The following ABHD11 variants were observed in gnomAD, a reference collection of about 807,000 sequenced individuals.
The protein encoded by ABHD11 is abhydrolase domain containing 11.
In ABHD11, 26 loss-of-function variants were observed where a neutral mutation model predicts 29.0. That is an observed-to-expected ratio of 0.90 (90% confidence interval 0.66 to 1.24). The LOEUF is 1.24. ABHD11 is among the 50% of genes most tolerant of loss of function. ABHD11 has a pLI of 0.00. For missense variants in ABHD11, 381 were observed against 422.4 expected, an observed-to-expected ratio of 0.90 and a Z score of 0.86; for synonymous variants, 169 against 166.4, an observed-to-expected ratio of 1.02 and a Z score of -0.12.
In ABHD11 at chr7:73,736,533, C is replaced by G; in HGVS notation, c.*26G>C. ...GGAATTACAGGCATGAGCCACCACG[C>G]CCGGCCATCTTCTTGCCAGCAACTC... On this transcript the variant is annotated 3_prime_UTR_variant, in exon 6 of 6. Coordinates refer to ENST00000222800, the MANE Select transcript of ABHD11 (RefSeq NM_148912.4). The G allele has an allele frequency of 6.2e-7, 1 of 1,612,536 alleles. No individual in the cohort carries two copies.
chr7:73,738,511 G>A (rs1389885812), intron 1 of ABHD11, 48 bp from the exon 2 acceptor site: 5 of 1,586,928 alleles, frequency 3.2e-6, no homozygotes, highest in African/African-American at 1.3e-5. Flanking sequence ...CGGAGACGGG[G>A]AAAGGGGTAG....
chr7:73,737,502 C>T (rs1180546368), intron 3 of ABHD11, 60 bp downstream of exon 3: 3 of 1,558,156 alleles, frequency 1.9e-6, no homozygotes, highest in Non-Finnish European at 2.6e-6. Context: ...TCCCAGGTTG[C>T]CTGCAGGGCC....
At chr7:73,737,951 G>A (rs1184213855) in intron 2 of ABHD11, 5 of 850,510 alleles carry the variant, frequency 5.9e-6, no homozygotes, top group Non-Finnish European at 7.9e-6. Flanking sequence ...CCACGTCTCT[G>A]AAGGGCTGGC....
intron 3 of ABHD11, 42 bp from the exon 4 acceptor site, chr7:73,737,433 T>C (rs141117786): frequency 3.8e-6 from 6 of 1,585,786 alleles, no homozygotes; most frequent in Non-Finnish European, 4.3e-6. Context: ...TAGGCAGACA[T>C]AGGGAGTCTC....
Position 73,737,265 on chromosome 7 carries a change from G to A in ABHD11, c.562C>T (p.Arg188Cys), listed in dbSNP as rs781862458. 5.6e-6 allele frequency: 9 copies of A among 1,613,986 alleles called. No individual in the cohort carries two copies. Among genetic ancestry groups the A allele is most frequent in the Admixed American group, 3.3e-5 (2 of 60,004 alleles). Residue 188 changes from arginine (R) to cysteine (C), a missense_variant, in exon 4 of 6, where the codon CGT (arginine) becomes TGT (cysteine). Transcript: ENST00000222800. ...TGTTCATCCGCCAGTTTTCGGGCAC[G>A]GGAGCGGGGCAGCTCATCTGCGATG... Reference protein sequence around the residue: ...INIADELPRSRARKLADEQLS... With the variant: ...INIADELPRSCARKLADEQLS...
rs782560650 is a variant in ABHD11, at chr7:73,736,708, C to A, written c.789-17G>T. 5 of 1,612,722 alleles carry A rather than the reference C, an allele frequency of 3.1e-6. No individual in the cohort carries two copies. In the African/African-American group the frequency reaches 6.7e-5, roughly 22 times the overall value. ...TGGCTGGGACTGTGCATCGCAGCGACGGCCATCAAAAACGGGTGAAAGTGG... is the reference window on the plus strand; with the variant it reads ...TGGCTGGGACTGTGCATCGCAGCGAAGGCCATCAAAAACGGGTGAAAGTGG... On this transcript the variant is annotated splice_polypyrimidine_tract_variant and intron_variant, in intron 5 of 5. Transcript: ENST00000222800.
chr7:73,737,687 C>G lies in ABHD11; in HGVS notation c.310G>C (p.Asp104His), dbSNP rs782090767. The change falls in exon 3 of 6, where the codon GAC becomes CAC. Residue 104 changes from aspartate to histidine, a missense_variant. Coordinates refer to ENST00000222800, the MANE Select transcript of ABHD11 (RefSeq NM_148912.4). ...RNHGDSPHSP[D>H]MSYEIMSQDL... Reference sequence around the variant, plus strand: ...TGGCTCATGATCTCGTAGCTCATGTCTGGGCTGTGGGGGCTGTCACCGTGG... The same window carrying G: ...TGGCTCATGATCTCGTAGCTCATGTGTGGGCTGTGGGGGCTGTCACCGTGG... 1 of 1,614,074 alleles carries G rather than the reference C, an allele frequency of 6.2e-7. No individual in the cohort carries two copies. The highest frequency in any genetic ancestry group is 8.5e-7 in the Non-Finnish European group (1 of 1,179,988).
Position 73,737,117 on chromosome 7 carries a change from G to C in ABHD11, c.607-7C>G. On this transcript the variant is annotated splice_region_variant and splice_polypyrimidine_tract_variant and intron_variant, in intron 4 of 5. Transcript: ENST00000222800. Reference sequence around the variant, plus strand: ...GCTGCCGCACGGCCATGTCCTGTGGGGGTGCAGCAGTTGGGGGAGGTTCCT... The same window carrying C: ...GCTGCCGCACGGCCATGTCCTGTGGCGGTGCAGCAGTTGGGGGAGGTTCCT... 1 of 1,613,826 alleles carries C rather than the reference G, an allele frequency of 6.2e-7. No homozygotes were observed. The highest frequency in any genetic ancestry group is 8.5e-7 in the Non-Finnish European group (1 of 1,180,042).
rs782777742 is a variant in ABHD11 at position 73,737,550 on chromosome 7, T to C, written c.435+12A>G. On this transcript the variant is annotated intron_variant, in intron 3 of 5. Transcript: ENST00000222800. Reference sequence around the variant, plus strand: ...ACTGAATGGGAGGAGGCCCCAGACATGGGCGGCTCACCCTCTGTAGTGCCA... The same window carrying C: ...ACTGAATGGGAGGAGGCCCCAGACACGGGCGGCTCACCCTCTGTAGTGCCA... The C allele has an allele frequency of 3.8e-6, 6 of 1,589,838 alleles. No homozygotes were observed. The South Asian group carries it at 4.6e-5, about 12-fold the overall frequency.
At position 73,736,457 on chromosome 7, in the gene ABHD11, C is replaced by A; in HGVS notation, c.*102G>T. On this transcript the variant is annotated 3_prime_UTR_variant, in exon 6 of 6. Coordinates refer to ENST00000222800, the MANE Select transcript of ABHD11 (RefSeq NM_148912.4). ...GTTTCACCATGTTGGCCAGGCTGGT[C>A]TCCAACTCCTGGCCTCAAGTCATCC... 2.0e-6 allele frequency: 3 copies of A among 1,491,528 alleles called. No homozygotes were observed. Among genetic ancestry groups the A allele is most frequent in the Non-Finnish European group, 2.7e-6 (3 of 1,096,488 alleles). The allele number at this position is 1,491,528 out of a possible 1,614,324, so 92.4% of individuals were successfully genotyped here. A position where few individuals can be genotyped will look rare whatever the true frequency, so the allele number is the denominator to read the frequency against.
intron 3 of ABHD11, 31 bp downstream of exon 3, chr7:73,737,531 T>G: frequency 1.9e-6 from 3 of 1,575,596 alleles, no homozygotes; most frequent in South Asian, 2.4e-5. Flanking sequence ...ATATACTGAA[T>G]GGGAGGAGGC....
intron 3 of ABHD11, 36 bp downstream of exon 3, chr7:73,737,526 C>A: frequency 6.4e-7 from 1 of 1,573,892 alleles, no homozygotes; most frequent in South Asian, 1.2e-5. Flanking sequence ...AGGGTATATA[C>A]TGAATGGGAG....
In ABHD11 at chr7:73,738,347, G is replaced by A; in HGVS notation, c.242C>T (p.Ala81Val). The change falls in exon 2 of 6, where the codon GCC becomes GTC. Residue 81 changes from alanine to valine, a missense_variant. Coordinates refer to ENST00000222800, the MANE Select transcript of ABHD11 (RefSeq NM_148912.4). ...TNFNSIAKIL[A>V]QQTGRRVLTV... The stretch of plus-strand genomic sequence containing the variant: ...GCTCACCCTACGGCCTGTCTGCTGG[G>A]CCAAGATCTTGGCGATGGAGTTGAA... 1 of 1,613,542 alleles carries A rather than the reference G, an allele frequency of 6.2e-7. No homozygotes were observed. The highest frequency in any genetic ancestry group is 8.5e-7 in the Non-Finnish European group (1 of 1,179,782).
At chr7:73,738,246 G>T in intron 2 of ABHD11, 82 bp downstream of exon 2, 1 of 1,467,998 alleles carries the variant, frequency 6.8e-7, no homozygotes, top group South Asian at 1.2e-5. Context: ...GTGAGAAGCG[G>T]GACCCCCCCT....
In ABHD11 at chr7:73,737,259, G is replaced by A. The variant is rs148776431; in HGVS notation, c.568C>T (p.Arg190Ter). The A allele has an allele frequency of 3.7e-6, 6 of 1,614,080 alleles. No individual in the cohort carries two copies. Among genetic ancestry groups the A allele is most frequent in the East Asian group, 2.2e-5 (1 of 44,880 alleles). ...CTGAGCTGTTCATCCGCCAGTTTTC[G>A]GGCACGGGAGCGGGGCAGCTCATCT... ...IADELPRSRA[R>*]KLADEQLSSV... The change falls in exon 4 of 6, where the codon CGA becomes TGA. Residue 190 changes from arginine to a stop codon, truncating the protein, a stop_gained. Coordinates refer to ENST00000222800, the MANE Select transcript of ABHD11 (RefSeq NM_148912.4). LOFTEE classifies it high-confidence loss of function.
Position 73,736,405 on chromosome 7 carries a change from A to T in ABHD11, c.*154T>A, listed in dbSNP as rs539642845. On this transcript the variant is annotated 3_prime_UTR_variant, in exon 6 of 6. Coordinates refer to ENST00000222800, the MANE Select transcript of ABHD11 (RefSeq NM_148912.4). ...CAGGTGTGCACCACCACGCCAGGCT[A>T]ATTTTTGTATTTTTAGTAGAGACAG... is the stretch of plus-strand genomic sequence containing the variant. The T allele has an allele frequency of 1.1e-4, 108 of 991,198 alleles. No individual in the cohort carries two copies. In the African/African-American group the frequency reaches 1.7e-3, roughly 15 times the overall value. The allele number at this position is 991,198 out of a possible 1,614,324, so 61.4% of individuals were successfully genotyped here.
intron 1 of ABHD11, 77 bp downstream of exon 1, chr7:73,738,569 G>A (rs1013912825): frequency 8.3e-6 from 13 of 1,564,698 alleles, no homozygotes; most frequent in Admixed American, 3.8e-5. Flanking sequence ...AGGCCCAAAG[G>A]GAGGAGATGG....
rs782116973 is a variant in ABHD11, at chr7:73,737,354, C to T, written c.473G>A (p.Ser158Asn). 1 of 1,613,816 alleles carries T rather than the reference C, an allele frequency of 6.2e-7. No individual in the cohort carries two copies. Among genetic ancestry groups the T allele is most frequent in the Non-Finnish European group, 8.5e-7 (1 of 1,179,992 alleles). The change falls in exon 4 of 6, where the codon AGC becomes AAC. Residue 158 changes from serine (S) to asparagine (N), a missense_variant. Transcript: ENST00000222800. The part of the protein sequence containing the change: ...LVERLIAVDI[S>N]PVESTGVSHF... ...GGAGACACCTGTGCTTTCCACTGGG[C>T]TGATATCTACAGCAATGAGACGTTC...
At chr7:73,736,853 G>A in intron 5 of ABHD11, 76 bp downstream of exon 5, 2 of 1,573,968 alleles carry the variant, frequency 1.3e-6, no homozygotes, top group Non-Finnish European at 1.7e-6. Flanking sequence ...CACACCCAAG[G>A]CCTCCCCTGG....
Sources: allele counts gnomAD v4.1 joint callset, GRCh38; gene constraint gnomAD v4.1.1; transcripts MANE v1.5; gene names NCBI Gene and HGNC (gene_info 2026-07-23, HGNC 2026-07-21).